RBFOX1: variants seen among roughly 807,000 people sequenced by gnomAD.
RBFOX1 encodes RNA binding fox-1 homolog 1, also known as RNA binding protein fox-1 homolog 1.
In RBFOX1, 8 loss-of-function variants were observed where a neutral mutation model predicts 57.7. The ratio of observed to expected loss-of-function variants is 0.14; its 90% CI spans 0.08 to 0.25. The LOEUF is 0.25. Ranked by LOEUF, RBFOX1 falls within the 10% of genes least tolerant of loss-of-function variation. The probability of loss-of-function intolerance (pLI) is 1.00; values close to 1 mark genes in which losing one functional copy is unlikely to be tolerated. For missense variants in RBFOX1, 611 were observed against 548.5 expected (o/e 1.11, Z -1.14); for synonymous variants, 326 against 222.4 (o/e 1.47, Z -4.15).
chr16:7,094,050 A>C (rs1459070587), intron 4 of RBFOX1, among the ~76,000 whole-genome samples: 1 of 150,338 alleles, frequency 6.7e-6, no homozygotes, highest in Non-Finnish European at 1.5e-5. Flanking sequence ...GATGTTGCTT[A>C]GTGCCAGAGG....
chr16:6,010,628 A>G (rs2094955671), intron 4 of RBFOX1, among the ~76,000 whole-genome samples: 1 of 152,218 alleles, frequency 6.6e-6, no homozygotes, highest in Non-Finnish European at 1.5e-5. Flanking sequence ...GAGCTTGTTG[A>G]GCCACCCCTA....
chr16:7,312,161 CT>C (rs2096328096), intron 4 of RBFOX1, among the ~76,000 whole-genome samples: 1 of 152,208 alleles, frequency 6.6e-6, no homozygotes, highest in Admixed American at 6.5e-5. Flanking sequence ...AGGTGGATCA[CT>C]TGAGGTCAGG....
At chr16:7,598,211 T>G (rs974085120) in intron 9 of RBFOX1, among the ~76,000 whole-genome samples, 3 of 152,152 alleles carry the variant, frequency 2.0e-5, no homozygotes, top group African/African-American at 4.8e-5. Flanking sequence ...TGCAGTAAGT[T>G]AAAGTATATA....
intron 6 of RBFOX1, among the ~76,000 whole-genome samples, chr16:7,581,736 A>G (rs1034972): frequency 0.85 from 129,134 of 152,000 alleles, 55,655 homozygotes; most frequent in Middle Eastern, 0.94. Flanking sequence ...GTTTTTAAAA[A>G]GACAAGTTCT....
chr16:7,328,898 G>A (rs1276329185), intron 4 of RBFOX1: 1 of 152,118 alleles, frequency 6.6e-6, no homozygotes, highest in Non-Finnish European at 1.5e-5. Flanking sequence ...GCCCAACCTG[G>A]ACCATTGCCT....
chr16:7,084,322 A>G (rs765329776), intron 4 of RBFOX1, among the ~76,000 whole-genome samples: 1 of 152,146 alleles, frequency 6.6e-6, no homozygotes, highest in Non-Finnish European at 1.5e-5. Flanking sequence ...CTTATATGTG[A>G]GGGAGTAGTG....
intron 1 of RBFOX1, among the ~76,000 whole-genome samples, chr16:6,146,865 A>T (rs13330757): frequency 0.069 from 10,555 of 152,196 alleles, 1,202 homozygotes; most frequent in African/African-American, 0.23. Context: ...ATGGGCAGTA[A>T]AACTGTTAGT....
chr16:7,378,608 C>T (rs2097728691), intron 4 of RBFOX1, among the ~76,000 whole-genome samples: 1 of 152,186 alleles, frequency 6.6e-6, no homozygotes, highest in Admixed American at 6.5e-5. Context: ...GCATTAGGCA[C>T]ATTGTTTTTC....
At chr16:5,604,454 G>A (rs1057334455), downstream of RBFOX1, among the ~76,000 whole-genome samples, 2 of 152,156 alleles carry the variant, frequency 1.3e-5, no homozygotes, top group African/African-American at 4.8e-5. Context: ...TCAGACCCTA[G>A]AGGCCACCTA....
chr16:6,736,553 C>T (rs1244970543), intron 3 of RBFOX1, among the ~76,000 whole-genome samples: 1 of 152,178 alleles, frequency 6.6e-6, no homozygotes, highest in Admixed American at 6.5e-5. Flanking sequence ...TTTATTCACT[C>T]ATTGAGTAAT....
intron 2 of RBFOX1, among the ~76,000 whole-genome samples, chr16:6,500,889 T>TGTTTGTG (rs1313041982): frequency 1.4e-5 from 2 of 142,120 alleles, no homozygotes; most frequent in East Asian, 2.1e-4. Context: ...TTTTTTTTTT[T>TGTTTGTG]TTTTTTTTTT....
chr16:7,016,531 G>A (rs894387869), intron 3 of RBFOX1, among the ~76,000 whole-genome samples: 4 of 152,122 alleles, frequency 2.6e-5, no homozygotes, highest in Admixed American at 2.6e-4. Context: ...ACACCTATGT[G>A]CCAAGCATTG....
chr16:7,505,763 A>C (rs546742241), intron 4 of RBFOX1, among the ~76,000 whole-genome samples: 2 of 152,292 alleles, frequency 1.3e-5, no homozygotes, highest in South Asian at 2.1e-4. Context: ...GTGCTTCCCT[A>C]CTGAGCCGGA....
intron 4 of RBFOX1, among the ~76,000 whole-genome samples, chr16:7,238,478 A>G (rs1268368385): frequency 1.3e-5 from 2 of 152,178 alleles, no homozygotes; most frequent in Admixed American, 6.5e-5. Flanking sequence ...CCTTCCTGCA[A>G]TATTTACTTA....
intron 1 of RBFOX1, among the ~76,000 whole-genome samples, chr16:6,075,952 T>G (rs2095892890): frequency 6.6e-6 from 1 of 152,176 alleles, no homozygotes; most frequent in African/African-American, 2.4e-5. Flanking sequence ...ATTAGTCCCA[T>G]TTTACAGTAG....
intron 2 of RBFOX1, among the ~76,000 whole-genome samples, chr16:6,611,080 G>C (rs970456388): frequency 1.3e-5 from 2 of 152,156 alleles, no homozygotes; most frequent in African/African-American, 4.8e-5. Flanking sequence ...AGAAGCAAAA[G>C]CAGGAAACCA....
intron 4 of RBFOX1, among the ~76,000 whole-genome samples, chr16:7,479,149 G>A (rs1272114471): frequency 6.6e-6 from 1 of 151,554 alleles, no homozygotes; most frequent in Non-Finnish European, 1.5e-5. Context: ...TTAGGGACAG[G>A]GTCTCGGTCT....
intron 5 of RBFOX1, 61 bp from the exon 6 acceptor site, chr16:7,579,716 G>T: frequency 1.3e-6 from 2 of 1,595,020 alleles, no homozygotes; most frequent in East Asian, 4.5e-5. Flanking sequence ...AAGCAAAAGA[G>T]CATCGGAAGA....
At chr16:7,372,075 T>C (rs1019426400) in intron 4 of RBFOX1, among the ~76,000 whole-genome samples, 1 of 152,186 alleles carries the variant, frequency 6.6e-6, no homozygotes. Flanking sequence ...TTTACTGCCA[T>C]GTTAATTTCC....
Sources: allele counts gnomAD v4.1 joint callset (sites outside exome capture counted in the v4.1 genomes callset), GRCh38; gene constraint gnomAD v4.1.1; transcripts MANE v1.5; gene names NCBI Gene and HGNC (gene_info 2026-07-23, HGNC 2026-07-21).